L3MBTL4: variants seen among roughly 807,000 people sequenced by gnomAD.
L3MBTL4 encodes L3MBTL histone methyl-lysine binding protein 4.
Under a neutral mutation model 84.5 loss-of-function variants are expected in L3MBTL4, and 70 were observed. The observed-to-expected ratio is 0.83, with a 90% CI of 0.68 to 1.01. The LOEUF (loss-of-function observed/expected upper bound fraction) is 1.01. Ranked by LOEUF, L3MBTL4 falls within the 50% of genes least tolerant of loss-of-function variation. The pLI is 0.00. For synonymous variants in L3MBTL4, 274 were observed against 259.8 expected (o/e 1.05, Z -0.52); for missense variants, 715 against 754.8 (o/e 0.95, Z 0.62).
chr18:6,399,639 G>A (rs534018935), intron 1 of L3MBTL4: 2 of 152,246 alleles, frequency 1.3e-5, no homozygotes, highest in Admixed American at 6.5e-5. Flanking sequence ...AATGCCAAGT[G>A]TCGGCTATAC....
intron 1 of L3MBTL4, chr18:6,367,768 T>G (rs573037528): frequency 7.2e-4 from 109 of 152,412 alleles, no homozygotes; most frequent in African/African-American, 2.5e-3. Flanking sequence ...AGGCACATCA[T>G]AAACAGCACT....
chr18:5,970,089 T>C (rs962441288), intron 16 of L3MBTL4, among the ~76,000 whole-genome samples: 3 of 152,090 alleles, frequency 2.0e-5, no homozygotes, highest in African/African-American at 7.2e-5. Flanking sequence ...GTAGCAAGGG[T>C]CCCCATGAGA....
chr18:6,212,216 T>C (rs1269284851), intron 12 of L3MBTL4, among the ~76,000 whole-genome samples: 1 of 152,230 alleles, frequency 6.6e-6, no homozygotes, highest in African/African-American at 2.4e-5. Flanking sequence ...GTGTACATTC[T>C]TTTGATAATC....
chr18:6,079,587 C>T (rs530883200), intron 16 of L3MBTL4, among the ~76,000 whole-genome samples: 2 of 152,268 alleles, frequency 1.3e-5, no homozygotes, highest in African/African-American at 4.8e-5. Flanking sequence ...TAAGGATGAT[C>T]CTCATTACTA....
At chr18:6,001,868 A>G (rs1234390580) in intron 16 of L3MBTL4, among the ~76,000 whole-genome samples, 1 of 152,220 alleles carries the variant, frequency 6.6e-6, no homozygotes, top group African/African-American at 2.4e-5. Context: ...AAGAGCACAG[A>G]GACAATTTGG....
At chr18:6,358,933 G>A (rs1160534404) in intron 1 of L3MBTL4, among the ~76,000 whole-genome samples, 2 of 152,202 alleles carry the variant, frequency 1.3e-5, no homozygotes, top group Admixed American at 1.3e-4. Flanking sequence ...CCAGTGGATA[G>A]CCCAGGTATG....
chr18:6,205,607 C>G (rs1242958865), intron 12 of L3MBTL4, among the ~76,000 whole-genome samples: 1 of 152,140 alleles, frequency 6.6e-6, no homozygotes, highest in Non-Finnish European at 1.5e-5. Flanking sequence ...GTATAAAAAT[C>G]TACTCATCCT....
At chr18:6,071,037 T>C (rs1283003489) in intron 16 of L3MBTL4, among the ~76,000 whole-genome samples, 2 of 152,082 alleles carry the variant, frequency 1.3e-5, no homozygotes, top group Non-Finnish European at 2.9e-5. Flanking sequence ...TTTAAAAAGA[T>C]ACAGCAAAAA....
intron 16 of L3MBTL4, among the ~76,000 whole-genome samples, chr18:6,037,620 A>G (rs2056199464): frequency 6.6e-6 from 1 of 152,250 alleles, no homozygotes; most frequent in South Asian, 2.1e-4. Context: ...ATTTCTGTAA[A>G]TCTCGGGTTA....
intron 1 of L3MBTL4, among the ~76,000 whole-genome samples, chr18:6,364,441 A>G (rs2144076637): frequency 6.6e-6 from 1 of 152,208 alleles, no homozygotes; most frequent in East Asian, 1.9e-4. Context: ...CAGGATCCTG[A>G]GACCAAAAAG....
intron 1 of L3MBTL4, among the ~76,000 whole-genome samples, chr18:6,330,031 G>A (rs78920669): frequency 0.048 from 7,263 of 152,244 alleles, 495 homozygotes; most frequent in African/African-American, 0.15. Context: ...TATTGTAGTA[G>A]AGTGTGTAAA....
chr18:6,291,669 C>T (rs59132021), intron 4 of L3MBTL4, among the ~76,000 whole-genome samples: 28,757 of 152,010 alleles, frequency 0.19, 2,857 homozygotes, highest in African/African-American at 0.24. Context: ...AAACTGGACC[C>T]GTATCTCTCA....
At chr18:6,034,923 T>C (rs796503704) in intron 16 of L3MBTL4, among the ~76,000 whole-genome samples, 4 of 150,738 alleles carry the variant, frequency 2.7e-5, no homozygotes, top group African/African-American at 7.3e-5. Context: ...TTTTCATGTG[T>C]TTTTTGGCTG....
At chr18:6,296,657 T>C (rs1599530395) in intron 4 of L3MBTL4, among the ~76,000 whole-genome samples, 1 of 151,964 alleles carries the variant, frequency 6.6e-6, no homozygotes. Context: ...TGGTGGCAGG[T>C]GACAAACAAG....
intron 16 of L3MBTL4, among the ~76,000 whole-genome samples, chr18:6,013,457 G>A (rs1203761290): frequency 6.6e-6 from 1 of 152,156 alleles, no homozygotes; most frequent in African/African-American, 2.4e-5. Flanking sequence ...ATGATGAGGA[G>A]CTGTGCTCTT....
At chr18:5,974,844 G>C (rs975352622) in intron 16 of L3MBTL4, among the ~76,000 whole-genome samples, 1 of 152,072 alleles carries the variant, frequency 6.6e-6, no homozygotes, top group African/African-American at 2.4e-5. Context: ...TGCACCTGTA[G>C]TCTTGGCTAC....
intron 1 of L3MBTL4, among the ~76,000 whole-genome samples, chr18:6,354,580 T>C (rs1177551115): frequency 1.3e-5 from 2 of 151,920 alleles, no homozygotes; most frequent in Admixed American, 1.3e-4. Context: ...AGCAACTCAA[T>C]AAGAAAAAAT....
intron 4 of L3MBTL4, among the ~76,000 whole-genome samples, chr18:6,267,340 T>C (rs1185608328): frequency 6.6e-6 from 1 of 152,224 alleles, no homozygotes; most frequent in East Asian, 1.9e-4. Context: ...TCTTGTATTG[T>C]TTGGAAATAC....
chr18:6,389,027 C>A (rs1221697628), intron 1 of L3MBTL4, among the ~76,000 whole-genome samples: 1 of 152,124 alleles, frequency 6.6e-6, no homozygotes, highest in Non-Finnish European at 1.5e-5. Flanking sequence ...GATCATAAGC[C>A]TTTCTGGGCT....
Sources: allele counts gnomAD v4.1 joint callset (sites outside exome capture counted in the v4.1 genomes callset), GRCh38; gene constraint gnomAD v4.1.1; transcripts MANE v1.5; gene names NCBI Gene and HGNC (gene_info 2026-07-23, HGNC 2026-07-21).